The following CCIN variants were observed in gnomAD, a reference collection of about 807,000 sequenced individuals.
CCIN encodes the protein testis tissue sperm-binding protein Li 65n.
A neutral mutation model predicts 32.2 loss-of-function variants in CCIN; 15 were observed. The observed-to-expected ratio is 0.47, with a 90% confidence interval of 0.31 to 0.72. The LOEUF is 0.72. Ranked by LOEUF, CCIN falls within the 30% of genes least tolerant of loss-of-function variation. The probability of loss-of-function intolerance (pLI) is 0.05; values close to 1 mark genes in which losing one functional copy is unlikely to be tolerated. For missense variants in CCIN, 623 were observed against 759.4 expected, an observed-to-expected ratio of 0.82 and a Z score of 2.11; for synonymous variants, 302 against 297.4, an observed-to-expected ratio of 1.02 and a Z score of -0.16.
In CCIN at chr9:36,169,410, C is replaced by T. The variant is rs1286403026; in HGVS notation, c.-93C>T. ...ACCCTCTCTTCTCCCTGGTCAACCG[C>T]TCTGCAAACAACCATCAATCTGATC... On this transcript the variant is annotated 5_prime_UTR_variant, in exon 1 of 1. Coordinates refer to ENST00000335119, the MANE Select transcript of CCIN (RefSeq NM_005893.3). The T allele has an allele frequency of 7.9e-7, 1 of 1,259,912 alleles. No individual in the cohort carries two copies. The highest frequency in any genetic ancestry group is 1.1e-6 in the Non-Finnish European group (1 of 878,396). The allele number at this position is 1,259,912 out of a possible 1,614,324, so 78.0% of individuals were successfully genotyped here.
chr9:36,170,690 T>C lies in CCIN; in HGVS notation c.1188T>C (p.Tyr396=), dbSNP rs1826302274. 1 of 1,614,266 alleles carries C rather than the reference T, an allele frequency of 6.2e-7. No homozygotes were observed. The highest frequency in any genetic ancestry group is 1.3e-5 in the African/African-American group (1 of 75,078). The change falls in exon 1 of 1, where the codon TAT becomes TAC. Residue 396 remains tyrosine, a synonymous_variant. Coordinates refer to ENST00000335119, the MANE Select transcript of CCIN (RefSeq NM_005893.3). Reference sequence around the variant, plus strand: ...GGTATGTCTCCAACATCTATCGCTATGATGAGCGGAAGGAAGTCTGGTGCC... The same window carrying C: ...GGTATGTCTCCAACATCTATCGCTACGATGAGCGGAAGGAAGTCTGGTGCC... ...PRRYVSNIYR[Y]DERKEVWCLA... is the part of the protein sequence containing the mutation.
At position 36,170,494 on chromosome 9, in the gene CCIN, T is replaced by C; in HGVS notation, c.992T>C (p.Ile331Thr). ...SATSAGRYIY[I>T]SGGTTEQISG... Reference sequence around the variant, plus strand: ...ACCTCTGCTGGTCGCTACATCTACATCTCTGGTGGCACCACTGAGCAGATT... The same window carrying C: ...ACCTCTGCTGGTCGCTACATCTACACCTCTGGTGGCACCACTGAGCAGATT... The change falls in exon 1 of 1, where the codon ATC becomes ACC. Residue 331 changes from isoleucine to threonine, a missense_variant. Physicochemically the swap from Ile to Thr is moderately conservative, Grantham distance 89. Coordinates refer to ENST00000335119, the MANE Select transcript of CCIN (RefSeq NM_005893.3). 2 of 1,614,166 alleles carry C rather than the reference T, an allele frequency of 1.2e-6. No homozygotes were observed. The highest frequency in any genetic ancestry group is 2.2e-5 in the East Asian group (1 of 44,892).
chr9:36,169,606 A>G lies in CCIN; in HGVS notation c.104A>G (p.Asp35Gly), dbSNP rs1466263801. The change falls in exon 1 of 1, where the codon GAC (aspartate) becomes GGC (glycine). Residue 35 changes from aspartate to glycine, a missense_variant. Physicochemically the swap from Asp to Gly is moderately conservative, Grantham distance 94. Transcript: ENST00000335119. ...KEYWDMALSV[D>G]NHVFFAHRNV... ...TACTGGGACATGGCCCTGAGTGTGG[A>G]CAACCACGTCTTCTTTGCACATCGC... The G allele has an allele frequency of 6.2e-7, 1 of 1,614,234 alleles. No individual in the cohort carries two copies. Among genetic ancestry groups the G allele is most frequent in the South Asian group, 1.1e-5 (1 of 91,078 alleles).
rs773084466 is a variant in CCIN, at chr9:36,170,153, G to A, written c.651G>A (p.Lys217=). The A allele has an allele frequency of 1.4e-4, 225 of 1,614,108 alleles. No individual in the cohort carries two copies. The highest frequency in any genetic ancestry group is 1.7e-4 in the Non-Finnish European group (195 of 1,180,046). The change falls in exon 1 of 1, where the codon AAG becomes AAA. Residue 217 remains lysine (K), a synonymous_variant. Coordinates refer to ENST00000335119, the MANE Select transcript of CCIN (RefSeq NM_005893.3). ...FRKEDREKYF[K]KFFNYINLNA... is the part of the protein sequence containing the mutation. ...AGGAGGATCGGGAGAAGTATTTCAA[G>A]AAGTTCTTCAATTACATCAATCTCA...
Position 36,170,100 on chromosome 9 carries a change from G to T in CCIN, c.598G>T (p.Ala200Ser), listed in dbSNP as rs781659080. Reference sequence around the variant, plus strand: ...GCTCAATGAAGACCAGGCGCTCAGCGCACTCATCAATTGGGTGTACTTCCG... The same window carrying T: ...GCTCAATGAAGACCAGGCGCTCAGCTCACTCATCAATTGGGTGTACTTCCG... ...HVLNEDQALS[A>S]LINWVYFRKE... The change falls in exon 1 of 1, where the codon GCA becomes TCA. Residue 200 changes from alanine (A) to serine (S), a missense_variant. Physicochemically the swap from Ala to Ser is moderately conservative, Grantham distance 99. Coordinates refer to ENST00000335119, the MANE Select transcript of CCIN (RefSeq NM_005893.3). The T allele has an allele frequency of 8.7e-6, 14 of 1,614,174 alleles. No individual in the cohort carries two copies. Among genetic ancestry groups the T allele is most frequent in the East Asian group, 2.2e-5 (1 of 44,882 alleles).
chr9:36,169,768 T>A lies in CCIN; in HGVS notation c.266T>A (p.Phe89Tyr). The A allele has an allele frequency of 6.2e-7, 1 of 1,614,152 alleles. No homozygotes were observed. Among genetic ancestry groups the A allele is most frequent in the Non-Finnish European group, 8.5e-7 (1 of 1,180,026 alleles). The part of the protein sequence containing the change: ...PVTVDQLLDY[F>Y]YSGKVVISEQ... ...ACAGTGGACCAGCTTCTGGACTACT[T>A]CTATAGCGGCAAGGTGGTGATCTCC... is the stretch of plus-strand genomic sequence containing the variant. The change falls in exon 1 of 1, where the codon TTC (phenylalanine) becomes TAC (tyrosine). Residue 89 changes from phenylalanine (F) to tyrosine (Y), a missense_variant. Physicochemically the swap from Phe to Tyr is conservative, Grantham distance 22. Transcript: ENST00000335119.
In CCIN at chr9:36,170,591, C is replaced by T. The variant is rs147398180; in HGVS notation, c.1089C>T (p.Ile363=). 43 of 1,614,050 alleles carry T rather than the reference C, an allele frequency of 2.7e-5. No homozygotes were observed. Among genetic ancestry groups the T allele is most frequent in the South Asian group, 4.4e-5 (4 of 91,088 alleles). ...GGACCAAGTTGCCTGACCTGCCCAT[C>T]GGGCTTGTCTTCCACACCATGGTGA... is the stretch of plus-strand genomic sequence containing the variant. ...NSWTKLPDLP[I]GLVFHTMVTC... Residue 363 remains isoleucine (I), a synonymous_variant, in exon 1 of 1, where the codon ATC becomes ATT. Coordinates refer to ENST00000335119, the MANE Select transcript of CCIN (RefSeq NM_005893.3).
At position 36,170,668 on chromosome 9, in the gene CCIN, A is replaced by G; in HGVS notation, c.1166A>G (p.Tyr389Cys). Residue 389 changes from tyrosine (Y) to cysteine (C), a missense_variant, in exon 1 of 1, where the codon TAT becomes TGT. Coordinates refer to ENST00000335119, the MANE Select transcript of CCIN (RefSeq NM_005893.3). Reference protein sequence around the residue: ...SVGGSIAPRRYVSNIYRYDER... With the variant: ...SVGGSIAPRRCVSNIYRYDER... The stretch of plus-strand genomic sequence containing the variant: ...GGCGGGAGCATTGCCCCAAGGCGGT[A>G]TGTCTCCAACATCTATCGCTATGAT... 1 of 1,614,266 alleles carries G rather than the reference A, an allele frequency of 6.2e-7. No homozygotes were observed. Among genetic ancestry groups the G allele is most frequent in the Non-Finnish European group, 8.5e-7 (1 of 1,180,044 alleles).
rs367980265 is a variant in CCIN at position 36,169,738 on chromosome 9, C to G, written c.236C>G (p.Pro79Arg). The G allele has an allele frequency of 6.2e-7, 1 of 1,614,026 alleles. No individual in the cohort carries two copies. The highest frequency in any genetic ancestry group is 8.5e-7 in the Non-Finnish European group (1 of 1,180,036). The change falls in exon 1 of 1, where the codon CCG becomes CGG. Residue 79 changes from proline (P) to arginine (R), a missense_variant. Coordinates refer to ENST00000335119, the MANE Select transcript of CCIN (RefSeq NM_005893.3). The part of the protein sequence containing the change: ...FITIDTSYLS[P>R]VTVDQLLDYF... ...ACCATTGACACCAGTTACCTGAGCC[C>G]GGTCACAGTGGACCAGCTTCTGGAC... is the stretch of plus-strand genomic sequence containing the variant.
Position 36,170,319 on chromosome 9 carries a change from C to A in CCIN, c.817C>A (p.Arg273=). ...ERPCSLLVYQ[R]KGALLDSVVI... The stretch of plus-strand genomic sequence containing the variant: ...GCCATGCAGCCTGCTGGTCTACCAG[C>A]GGAAAGGGGCCCTGCTTGATTCCGT... The change falls in exon 1 of 1, where the codon CGG becomes AGG. Residue 273 remains arginine (R), a synonymous_variant. Coordinates refer to ENST00000335119, the MANE Select transcript of CCIN (RefSeq NM_005893.3). 1.6e-5 allele frequency: 26 copies of A among 1,614,120 alleles called. No individual in the cohort carries two copies. The highest frequency in any genetic ancestry group is 2.2e-5 in the Non-Finnish European group (26 of 1,180,032).
Position 36,169,641 on chromosome 9 carries a change from G to A in CCIN, c.139G>A (p.Ala47Thr). The A allele has an allele frequency of 6.2e-7, 1 of 1,614,204 alleles. No homozygotes were observed. Residue 47 changes from alanine to threonine, a missense_variant, in exon 1 of 1, where the codon GCT (alanine) becomes ACT (threonine). Transcript: ENST00000335119. ...CTTCTTTGCACATCGCAATGTGCTGGCTGCTGTCTCCCCACTGGTGAGGAG... is the reference window on the plus strand; with the variant it reads ...CTTCTTTGCACATCGCAATGTGCTGACTGCTGTCTCCCCACTGGTGAGGAG... ...HVFFAHRNVL[A>T]AVSPLVRSLI...
chr9:36,170,755 T>C lies in CCIN; in HGVS notation c.1253T>C (p.Val418Ala), dbSNP rs779307181. Reference protein sequence around the residue: ...KMSIPMDGTAVITKGDRHLYI... With the variant: ...KMSIPMDGTAAITKGDRHLYI... ...AGCATCCCCATGGATGGCACCGCCG[T>C]GATCACTAAAGGAGACAGGCATCTG... Residue 418 changes from valine to alanine, a missense_variant, in exon 1 of 1, where the codon GTG (valine) becomes GCG (alanine). Val to Ala is a moderately conservative substitution (Grantham distance 64). Coordinates refer to ENST00000335119, the MANE Select transcript of CCIN (RefSeq NM_005893.3). 12 of 1,614,152 alleles carry C rather than the reference T, an allele frequency of 7.4e-6. No individual in the cohort carries two copies. In the African/African-American group the frequency reaches 1.6e-4, roughly 22 times the overall value.
rs766524483 is a variant in CCIN at position 36,170,164 on chromosome 9, A to G, written c.662A>G (p.Asn221Ser). The change falls in exon 1 of 1, where the codon AAT becomes AGT. Residue 221 changes from asparagine (N) to serine (S), a missense_variant. Asn to Ser is a conservative substitution (Grantham distance 46, BLOSUM62 1). Coordinates refer to ENST00000335119, the MANE Select transcript of CCIN (RefSeq NM_005893.3). ...DREKYFKKFF[N>S]YINLNAVSNK... The stretch of plus-strand genomic sequence containing the variant: ...GAGAAGTATTTCAAGAAGTTCTTCA[A>G]TTACATCAATCTCAATGCTGTCTCC... 1.8e-5 allele frequency: 29 copies of G among 1,614,236 alleles called. No homozygotes were observed. Among genetic ancestry groups the G allele is most frequent in the East Asian group, 4.5e-5 (2 of 44,876 alleles).
In CCIN at chr9:36,171,322, A is replaced by G. The variant is rs1415097667; in HGVS notation, c.*53A>G. 6.4e-7 allele frequency: 1 copy of G among 1,574,658 alleles called. No individual in the cohort carries two copies. The highest frequency in any genetic ancestry group is 8.6e-7 in the Non-Finnish European group (1 of 1,158,378). On this transcript the variant is annotated 3_prime_UTR_variant, in exon 1 of 1. Transcript: ENST00000335119. ...GCATTATTATTCACGATTTAATGAGAGAAAGAGAGGAAGATGGCCTGTTGT... is the reference window on the plus strand; with the variant it reads ...GCATTATTATTCACGATTTAATGAGGGAAAGAGAGGAAGATGGCCTGTTGT...
rs1293024430 is a variant in CCIN, at chr9:36,170,884, TC to T, written c.1386del (p.Ile463LeufsTer33). The T allele has an allele frequency of 4.3e-6, 7 of 1,614,102 alleles. No homozygotes were observed. The Admixed American group carries it at 6.7e-5, about 15-fold the overall frequency. On this transcript the variant is annotated frameshift_variant, in exon 1 of 1. Coordinates refer to ENST00000335119, the MANE Select transcript of CCIN (RefSeq NM_005893.3). LOFTEE classifies it high-confidence loss of function. ...STGDVVQCIT[F>X]PIEFNHRPLL... ...GGGGACGTGGTCCAGTGTATCACCT[TC>T]CCCATTGAGTTCAACCATCGGCCCC...
chr9:36,171,231 C>T lies in CCIN; in HGVS notation c.1729C>T (p.Leu577=). ...GGCACTGGACTGTCCTGCCTGCTGTCTAGCCAAGCTACCTTGCAAGATTCT... is the reference window on the plus strand; with the variant it reads ...GGCACTGGACTGTCCTGCCTGCTGTTTAGCCAAGCTACCTTGCAAGATTCT... ...PEALDCPACC[L]AKLPCKILQR... The change falls in exon 1 of 1, where the codon CTA becomes TTA. Residue 577 remains leucine (L), a synonymous_variant. Transcript: ENST00000335119. 6.2e-7 allele frequency: 1 copy of T among 1,613,692 alleles called. No homozygotes were observed. Among genetic ancestry groups the T allele is most frequent in the Non-Finnish European group, 8.5e-7 (1 of 1,179,908 alleles).
rs770047031 is a variant in CCIN, at chr9:36,170,551, T to C, written c.1049T>C (p.Met350Thr). The C allele has an allele frequency of 4.3e-6, 7 of 1,614,024 alleles. No individual in the cohort carries two copies. The East Asian group carries it at 6.7e-5, about 15-fold the overall frequency. Residue 350 changes from methionine to threonine, a missense_variant, in exon 1 of 1, where the codon ATG becomes ACG. By Grantham distance (81) the Met-to-Thr change is moderately conservative. Coordinates refer to ENST00000335119, the MANE Select transcript of CCIN (RefSeq NM_005893.3). ...CTGAAGACAGCCTGGCGGTATGACA[T>C]GGATGACAACTCCTGGACCAAGTTG... ...SGLKTAWRYD[M>T]DDNSWTKLPD...
Position 36,170,909 on chromosome 9 carries a change from C to T in CCIN, c.1407C>T (p.Pro469=), listed in dbSNP as rs1826306504. The T allele has an allele frequency of 6.2e-7, 1 of 1,614,214 alleles. No homozygotes were observed. The highest frequency in any genetic ancestry group is 8.5e-7 in the Non-Finnish European group (1 of 1,180,046). The change falls in exon 1 of 1, where the codon CCC becomes CCT. Residue 469 remains proline, a synonymous_variant. Coordinates refer to ENST00000335119, the MANE Select transcript of CCIN (RefSeq NM_005893.3). ...ITFPIEFNHR[P]LLSFQQDNIL... The stretch of plus-strand genomic sequence containing the variant: ...TCCCCATTGAGTTCAACCATCGGCC[C>T]CTGCTCTCTTTCCAACAGGACAACA...
At position 36,170,018 on chromosome 9, in the gene CCIN, C is replaced by G; in HGVS notation, c.516C>G (p.Phe172Leu). 2 of 1,614,102 alleles carry G rather than the reference C, an allele frequency of 1.2e-6. No homozygotes were observed. Among genetic ancestry groups the G allele is most frequent in the Non-Finnish European group, 1.7e-6 (2 of 1,180,034 alleles). The change falls in exon 1 of 1, where the codon TTC becomes TTG. Residue 172 changes from phenylalanine (F) to leucine (L), a missense_variant. By Grantham distance (22) the Phe-to-Leu change is conservative (BLOSUM62 0). Coordinates refer to ENST00000335119, the MANE Select transcript of CCIN (RefSeq NM_005893.3). ...YWASPEGSMH[F>L]MRCPPVIFGR... ...CCAGTCCTGAGGGCTCCATGCACTT[C>G]ATGCGCTGTCCACCTGTTATCTTTG...
Sources: allele counts gnomAD v4.1 joint callset, GRCh38; gene constraint gnomAD v4.1.1; transcripts MANE v1.5; gene names NCBI Gene and HGNC (gene_info 2026-07-23, HGNC 2026-07-21).